Variants in CTNNA3 observed in about 807,000 individuals in gnomAD.
CTNNA3 encodes catenin alpha 3.
CTNNA3 carries 76 observed loss-of-function variants against 95.7 expected under a neutral mutation model. The ratio of observed to expected loss-of-function variants is 0.79; its 90% confidence interval spans 0.66 to 0.96. The LOEUF is 0.96. Among genes scored for constraint, CTNNA3 ranks in the 40% least tolerant of loss-of-function variants. CTNNA3 has a pLI of 0.00. For synonymous variants in CTNNA3, 431 were observed against 374.4 expected (o/e 1.15, Z -1.74); for missense variants, 1,191 against 1,089.8 (o/e 1.09, Z -1.31).
chr10:67,490,226 A>G (rs1259575153), intron 5 of CTNNA3, among the ~76,000 whole-genome samples: 5 of 152,236 alleles, frequency 3.3e-5, no homozygotes, highest in African/African-American at 1.2e-4. Flanking sequence ...AAATGTCACA[A>G]CAATTTTGGG....
chr10:66,915,123 A>G (rs948988582), intron 7 of CTNNA3, among the ~76,000 whole-genome samples: 1 of 151,906 alleles, frequency 6.6e-6, no homozygotes, highest in African/African-American at 2.4e-5. Context: ...GAAACATACA[A>G]TACATTTGTA....
In CTNNA3 at chr10:66,571,905, T is replaced by C. The variant is rs541573757; in HGVS notation, c.1374+49787A>G. Among the ~76,000 whole-genome samples, 16 of 152,302 alleles carry C rather than the reference T, an allele frequency of 1.1e-4. No individual in the cohort carries two copies. The East Asian group carries it at 3.1e-3, about 29-fold the overall frequency. ...TAATTTGTATAGAATCACTGACGCA[T>C]TTTTTAAAGAAATTAAACAATTAAT... On this transcript the variant is annotated intron_variant, in intron 10 of 17. Transcript: ENST00000433211.
chr10:67,016,658 G>A (rs1852677819), intron 7 of CTNNA3, among the ~76,000 whole-genome samples: 1 of 152,140 alleles, frequency 6.6e-6, no homozygotes, highest in Non-Finnish European at 1.5e-5. Flanking sequence ...ATTTTTGGGG[G>A]AAAGGCACCT....
At chr10:67,080,681 G>A (rs903558640) in intron 7 of CTNNA3, among the ~76,000 whole-genome samples, 3 of 151,844 alleles carry the variant, frequency 2.0e-5, no homozygotes, top group East Asian at 1.9e-4. Flanking sequence ...AGGCTGAGGC[G>A]GGCGGATCAC....
rs555414838 is a variant in CTNNA3, at chr10:67,704,309, G to A, written c.-1-56795C>T. The stretch of plus-strand genomic sequence containing the variant: ...TTTGTATGGAACCAAAAAAGAGCCC[G>A]CATCACCAAGTCAATCTTAAGCCAA... On this transcript the variant is annotated intron_variant, in intron 1 of 17. Transcript: ENST00000684154. Among the ~76,000 whole-genome samples, 193 of 152,240 alleles carry A rather than the reference G, an allele frequency of 1.3e-3. 2 individuals are homozygous for A. Among genetic ancestry groups the A allele is most frequent in the African/African-American group, 4.2e-3 (176 of 41,526 alleles).
At chr10:66,549,752 T>C (rs1165200717) in intron 10 of CTNNA3, among the ~76,000 whole-genome samples, 1 of 152,216 alleles carries the variant, frequency 6.6e-6, no homozygotes, top group Non-Finnish European at 1.5e-5. Flanking sequence ...TATTTAGAAG[T>C]GTGCTGTTTA....
chr10:66,269,761 G>A (rs10733818), intron 13 of CTNNA3, among the ~76,000 whole-genome samples: 71,363 of 151,868 alleles, frequency 0.47, 18,249 homozygotes, highest in African/African-American at 0.69. Context: ...CCATAACCCA[G>A]CCACTAATAC....
chr10:67,510,364 A>G (rs990042535), intron 5 of CTNNA3, among the ~76,000 whole-genome samples: 1 of 152,046 alleles, frequency 6.6e-6, no homozygotes, highest in African/African-American at 2.4e-5. Context: ...TAATTTTTGT[A>G]TAAGGTGTAA....
chr10:66,842,702 T>C (rs1208144548), intron 7 of CTNNA3, among the ~76,000 whole-genome samples: 2 of 152,184 alleles, frequency 1.3e-5, no homozygotes, highest in Admixed American at 1.3e-4. Context: ...GTTGTGATTT[T>C]ATTCTAAGTA....
At chr10:66,485,009 A>G (rs1166710523) in intron 11 of CTNNA3, among the ~76,000 whole-genome samples, 2 of 152,272 alleles carry the variant, frequency 1.3e-5, no homozygotes, top group Non-Finnish European at 1.5e-5. Context: ...CAATAAATAC[A>G]GAAAATCATT....
intron 5 of CTNNA3, among the ~76,000 whole-genome samples, chr10:67,496,478 A>G (rs1364936927): frequency 6.6e-6 from 1 of 152,168 alleles, no homozygotes; most frequent in Admixed American, 6.5e-5. Flanking sequence ...AAATTGTTGC[A>G]TGATAATTTT....
chr10:66,161,280 T>G, intron 13 of CTNNA3, among the ~76,000 whole-genome samples: 1 of 152,218 alleles, frequency 6.6e-6, no homozygotes, highest in East Asian at 1.9e-4. Context: ...CTTGTGTTTT[T>G]GTTTTATAGG....
chr10:66,954,763 T>C (rs1181349459), intron 7 of CTNNA3, among the ~76,000 whole-genome samples: 1 of 152,130 alleles, frequency 6.6e-6, no homozygotes, highest in East Asian at 1.9e-4. Flanking sequence ...AATCGACTGC[T>C]ACTTTTTCTT....
chr10:67,082,043 G>T (rs1242244852), intron 7 of CTNNA3, among the ~76,000 whole-genome samples: 2 of 152,192 alleles, frequency 1.3e-5, no homozygotes, highest in Non-Finnish European at 2.9e-5. Context: ...GGCTACCTTT[G>T]TTAGAAGTTT....
chr10:66,775,366 G>A, intron 8 of CTNNA3, 78 bp downstream of exon 8: 6 of 964,238 alleles, frequency 6.2e-6, no homozygotes, highest in Non-Finnish European at 9.5e-6. Context: ...AACAAAACAA[G>A]AAACAAATAT....
At chr10:67,393,446 C>T (rs1450002585) in intron 5 of CTNNA3, among the ~76,000 whole-genome samples, 1 of 152,018 alleles carries the variant, frequency 6.6e-6, no homozygotes, top group African/African-American at 2.4e-5. Flanking sequence ...AGTAATATCC[C>T]CAGTATATTC....
chr10:66,692,462 T>C (rs1204955989), intron 9 of CTNNA3, among the ~76,000 whole-genome samples: 1 of 151,934 alleles, frequency 6.6e-6, no homozygotes, highest in Non-Finnish European at 1.5e-5. Flanking sequence ...TGGGACTATG[T>C]GAAAAGACCA....
chr10:67,326,195 C>A (rs1841532685), intron 5 of CTNNA3, among the ~76,000 whole-genome samples: 1 of 152,088 alleles, frequency 6.6e-6, no homozygotes, highest in Admixed American at 6.6e-5. Context: ...CCACTCTGTG[C>A]CTTTTAATTG....
intron 6 of CTNNA3, among the ~76,000 whole-genome samples, chr10:67,184,823 T>C (rs2034458787): frequency 6.6e-6 from 1 of 152,222 alleles, no homozygotes; most frequent in African/African-American, 2.4e-5. Flanking sequence ...TGCTTCATTT[T>C]TATCAGAATT....
Sources: gnomAD v4.1 joint callset for allele counts (sites outside exome capture counted in the v4.1 genomes callset) on GRCh38, gnomAD v4.1.1 for gene constraint, MANE v1.5 for transcripts, NCBI Gene and HGNC (gene_info 2026-07-23, HGNC 2026-07-21) for gene names.